The following CKAP5 variants were observed in gnomAD, a reference collection of about 807,000 sequenced individuals.
CKAP5 encodes the protein cytoskeleton-associated protein 5.
Under a neutral mutation model 232.8 loss-of-function variants are expected in CKAP5, and 27 were observed. The observed-to-expected ratio is 0.12, with a 90% CI of 0.09 to 0.16. The LOEUF (loss-of-function observed/expected upper bound fraction) is 0.16, where lower values mean the gene tolerates loss of function less well. Ranked by LOEUF, CKAP5 falls within the 10% of genes least tolerant of loss-of-function variation. The pLI, the probability that CKAP5 is intolerant of heterozygous loss-of-function variation, is 1.00. For synonymous variants in CKAP5, 785 were observed against 841.1 expected (o/e 0.93, Z 1.16); for missense variants, 1,838 against 2,424.7 (o/e 0.76, Z 5.08).
intron 16 of CKAP5, among the ~76,000 whole-genome samples, chr11:46,788,137 A>G (rs1459197311): frequency 6.6e-6 from 1 of 152,240 alleles, no homozygotes; most frequent in Non-Finnish European, 1.5e-5. Context: ...ACAGTAGGCT[A>G]TTAGTAGTTA....
intron 7 of CKAP5, 76 bp downstream of exon 7, chr11:46,809,324 C>T: frequency 1.0e-6 from 1 of 988,620 alleles, no homozygotes; most frequent in Non-Finnish European, 1.5e-6. Flanking sequence ...CAGGCAAGGG[C>T]TCAGCAGAGT....
chr11:46,829,635 T>C (rs1368569783), intron 1 of CKAP5, among the ~76,000 whole-genome samples: 4 of 152,206 alleles, frequency 2.6e-5, no homozygotes, highest in Non-Finnish European at 5.9e-5. Flanking sequence ...TAAACAATTA[T>C]GTTATCAATA....
In CKAP5 at chr11:46,778,189, C is replaced by T; in HGVS notation, c.2698G>A (p.Glu900Lys). 6.2e-7 allele frequency: 1 copy of T among 1,614,038 alleles called. No individual in the cohort carries two copies. The highest frequency in any genetic ancestry group is 2.2e-5 in the East Asian group (1 of 44,876). The change falls in exon 22 of 44, where the codon GAA (glutamate) becomes AAA (lysine). Residue 900 changes from glutamate (E) to lysine (K), a missense_variant. Around this residue, in one of 6 missense-constraint regions of CKAP5, gnomAD observed 767 missense variants for 954.6 expected, o/e 0.80. Coordinates refer to ENST00000529230, the MANE Select transcript of CKAP5 (RefSeq NM_001008938.4). ...DAKFIQPNIG[E>K]LPTALKGRLN... ...CGACCCTTCAAGGCAGTTGGAAGTT[C>T]ACCTATATTCGGTTGGATAAATTTT...
At chr11:46,807,657 A>T (rs181254731) in intron 8 of CKAP5, among the ~76,000 whole-genome samples, 1 of 152,350 alleles carries the variant, frequency 6.6e-6, no homozygotes, top group African/African-American at 2.4e-5. Context: ...ACTGATACAA[A>T]GTAGTGTGTT....
chr11:46,770,560 T>A (rs1443217130), intron 25 of CKAP5, among the ~76,000 whole-genome samples: 1 of 152,220 alleles, frequency 6.6e-6, no homozygotes, highest in African/African-American at 2.4e-5. Flanking sequence ...CCCTCCCAAG[T>A]AGCTGGGATT....
intron 1 of CKAP5, among the ~76,000 whole-genome samples, chr11:46,825,626 T>G (rs1592485065): frequency 3.3e-5 from 5 of 152,128 alleles, no homozygotes; most frequent in African/African-American, 1.2e-4. Flanking sequence ...ATTCCTGGAC[T>G]CTCACCTCTG....
chr11:46,780,368 A>G lies in CKAP5; in HGVS notation c.2308-49T>C, dbSNP rs749035682. On this transcript the variant is annotated intron_variant, in intron 19 of 43. Transcript: ENST00000529230. Reference sequence around the variant, plus strand: ...TTTTTAAATCACAAAGATGGCAATAATAACTTTTTAAATCCACAAAGATGG... The same window carrying G: ...TTTTTAAATCACAAAGATGGCAATAGTAACTTTTTAAATCCACAAAGATGG... The G allele has an allele frequency of 8.4e-5, 136 of 1,613,546 alleles. No homozygotes were observed. In the East Asian group the frequency reaches 2.7e-3, roughly 31 times the overall value.
intron 8 of CKAP5, among the ~76,000 whole-genome samples, chr11:46,807,464 A>G (rs1397657593): frequency 2.0e-5 from 3 of 152,232 alleles, no homozygotes; most frequent in Non-Finnish European, 4.4e-5. Flanking sequence ...GTTCTTAAGC[A>G]CTATAATCAT....
chr11:46,744,582 A>G lies in CKAP5; in HGVS notation c.5705-5T>C. 1 of 1,613,312 alleles carries G rather than the reference A, an allele frequency of 6.2e-7. No homozygotes were observed. Among genetic ancestry groups the G allele is most frequent in the Non-Finnish European group, 8.5e-7 (1 of 1,179,384 alleles). The stretch of plus-strand genomic sequence containing the variant: ...CTTCCATCTGAGGGGAGATGCCTAG[A>G]GGGGAAAAAGTAGAAAGAATATTCA... On this transcript the variant is annotated splice_polypyrimidine_tract_variant and splice_region_variant and intron_variant, in intron 42 of 43. Transcript: ENST00000529230.
chr11:46,835,399 C>T (rs1939891193), intron 1 of CKAP5, among the ~76,000 whole-genome samples: 1 of 151,210 alleles, frequency 6.6e-6, no homozygotes, highest in Non-Finnish European at 1.5e-5. Context: ...GGAGAAATGT[C>T]TAATTCTAGG....
At position 46,809,874 on chromosome 11, in the gene CKAP5, A is replaced by G. The variant is rs575797491; in HGVS notation, c.631T>C (p.Leu211=). ...ACCCATTCTTCTTCTAGTTCTTTCAACTGCAAATGTCATATAATATTTAAA... is the reference window on the plus strand; with the variant it reads ...ACCCATTCTTCTTCTAGTTCTTTCAGCTGCAAATGTCATATAATATTTAAA... The part of the protein sequence containing the change: ...PPLQNINSVQ[L]KELEEEWVKL... Residue 211 remains leucine (L), a splice_region_variant and synonymous_variant, in exon 6 of 44, where the codon TTG becomes CTG. Coordinates refer to ENST00000529230, the MANE Select transcript of CKAP5 (RefSeq NM_001008938.4). 3.1e-6 allele frequency: 5 copies of G among 1,605,654 alleles called. No individual in the cohort carries two copies. In the East Asian group the frequency reaches 1.1e-4, roughly 36 times the overall value.
rs1273433291 is a variant in CKAP5, at chr11:46,834,028, T to C, written c.-38+12192A>G. ...GGGATTACAGGCGTGTGCCACCACG[T>C]CCAGCTAATTTTGATATTATTAGTA... is the stretch of plus-strand genomic sequence containing the variant. On this transcript the variant is annotated intron_variant, in intron 1 of 43. Coordinates refer to ENST00000529230, the MANE Select transcript of CKAP5 (RefSeq NM_001008938.4). 3.9e-5 allele frequency among the ~76,000 whole-genome samples: 6 copies of C among 152,078 alleles called. No individual in the cohort carries two copies. In the East Asian group the frequency reaches 5.8e-4, roughly 15 times the overall value.
At position 46,795,786 on chromosome 11, in the gene CKAP5, G is replaced by C. The variant is rs879890672; in HGVS notation, c.1468-10C>G. On this transcript the variant is annotated splice_polypyrimidine_tract_variant and intron_variant, in intron 12 of 43. Transcript: ENST00000529230. ...CTGAACATTCTTTGATCTGGAGAAT[G>C]AAAGTGAGATGAACATCATTAAGCC... The C allele has an allele frequency of 1.2e-6, 2 of 1,609,952 alleles. No individual in the cohort carries two copies. Among genetic ancestry groups the C allele is most frequent in the African/African-American group, 1.3e-5 (1 of 74,856 alleles).
intron 7 of CKAP5, among the ~76,000 whole-genome samples, chr11:46,808,654 T>G (rs186835637): frequency 1.3e-5 from 2 of 152,366 alleles, no homozygotes; most frequent in Admixed American, 6.5e-5. Context: ...ATGTTATAAC[T>G]AAAGTAATAT....
At chr11:46,842,320 G>A (rs919443982) in intron 1 of CKAP5, among the ~76,000 whole-genome samples, 3 of 152,116 alleles carry the variant, frequency 2.0e-5, no homozygotes, top group Non-Finnish European at 4.4e-5. Context: ...CTTCCTGAAG[G>A]GGACAGTCTG....
At chr11:46,778,950 G>A (rs369368449) in intron 20 of CKAP5, among the ~76,000 whole-genome samples, 2 of 151,946 alleles carry the variant, frequency 1.3e-5, no homozygotes, top group African/African-American at 2.4e-5. Flanking sequence ...TGGCACGTGC[G>A]TGTAATCCCA....
intron 8 of CKAP5, among the ~76,000 whole-genome samples, chr11:46,806,214 T>C (rs1345384997): frequency 6.6e-6 from 1 of 152,194 alleles, no homozygotes; most frequent in Non-Finnish European, 1.5e-5. Flanking sequence ...TCTCTCTTTA[T>C]ATAGTACAGC....
chr11:46,843,709 G>A (rs562875050), intron 1 of CKAP5, among the ~76,000 whole-genome samples: 154 of 138,842 alleles, frequency 1.1e-3, no homozygotes, highest in African/African-American at 4.1e-3. Flanking sequence ...CAGCCAGGGC[G>A]AAAGAGTGAG....
chr11:46,840,632 C>G (rs1424002095), intron 1 of CKAP5, among the ~76,000 whole-genome samples: 1 of 152,182 alleles, frequency 6.6e-6, no homozygotes, highest in East Asian at 1.9e-4. Flanking sequence ...GAGAGCTGAA[C>G]ACATGGTGGT....
Sources: gnomAD v4.1 joint callset for allele counts (sites outside exome capture counted in the v4.1 genomes callset) on GRCh38, gnomAD v4.1.1 for gene constraint, gnomAD v4.1.1 regional missense constraint, MANE v1.5 for transcripts, NCBI Gene and HGNC (gene_info 2026-07-23, HGNC 2026-07-21) for gene names.